Variants in PLEK2 observed in about 807,000 individuals in gnomAD.
The protein encoded by PLEK2 is pleckstrin-2.
PLEK2 carries 29 observed loss-of-function variants against 43.8 expected under a neutral mutation model. The observed-to-expected ratio is 0.66, with a 90% CI of 0.49 to 0.90. PLEK2 has a LOEUF of 0.90. Ranked by LOEUF, PLEK2 falls within the 40% of genes least tolerant of loss-of-function variation. PLEK2 has a pLI of 0.00. For missense variants in PLEK2, 398 were observed against 448.1 expected, an observed-to-expected ratio of 0.89 and a Z score of 1.01; for synonymous variants, 162 against 173.2, an observed-to-expected ratio of 0.94 and a Z score of 0.51.
intron 1 of PLEK2, among the ~76,000 whole-genome samples, chr14:67,409,565 T>G (rs775026260): frequency 1.3e-5 from 2 of 152,186 alleles, no homozygotes; most frequent in Middle Eastern, 3.4e-3. Context: ...GGAAAAGCAC[T>G]CCTGCTCACG....
Position 67,393,239 on chromosome 14 carries a change from C to T in PLEK2, c.392G>A (p.Arg131His), listed in dbSNP as rs769897029. ...FKLPPHISLHRIVDKMHDSNT... is the reference protein window; with the variant it reads ...FKLPPHISLHHIVDKMHDSNT... ...GCTATCGTGCATCTTGTCCACAATG[C>T]GACTACATGGAAGGGAAGGCAAAGG... Residue 131 changes from arginine (R) to histidine (H), a missense_variant and splice_region_variant, in exon 4 of 9, where the codon CGC becomes CAC. Transcript: ENST00000216446. 2.8e-5 allele frequency: 45 copies of T among 1,611,048 alleles called. No individual in the cohort carries two copies. Among genetic ancestry groups the T allele is most frequent in the Non-Finnish European group, 3.5e-5 (41 of 1,177,340 alleles).
chr14:67,409,127 C>T (rs117264762), intron 1 of PLEK2, among the ~76,000 whole-genome samples: 2,150 of 151,966 alleles, frequency 0.014, 22 homozygotes, highest in Middle Eastern at 0.034. Flanking sequence ...CCTGTAGTCC[C>T]AGCTACTAGG....
intron 2 of PLEK2, among the ~76,000 whole-genome samples, chr14:67,396,039 C>T (rs2086005975): frequency 6.6e-6 from 1 of 152,196 alleles, no homozygotes; most frequent in Non-Finnish European, 1.5e-5. Context: ...AGTCATGCTC[C>T]CTTCCGTCCT....
intron 1 of PLEK2, among the ~76,000 whole-genome samples, chr14:67,406,087 C>T (rs1017297223): frequency 2.0e-5 from 3 of 151,978 alleles, no homozygotes; most frequent in Non-Finnish European, 4.4e-5. Flanking sequence ...GGTTAAACCC[C>T]GTCTCTACTA....
At chr14:67,400,514 C>A (rs1025280666) in intron 1 of PLEK2, among the ~76,000 whole-genome samples, 6 of 152,184 alleles carry the variant, frequency 3.9e-5, no homozygotes, top group Admixed American at 2.6e-4. Context: ...CTATGACCAC[C>A]CCCCGCCCCA....
intron 1 of PLEK2, among the ~76,000 whole-genome samples, chr14:67,408,105 G>A (rs978555280): frequency 4.6e-5 from 7 of 151,952 alleles, no homozygotes; most frequent in Middle Eastern, 3.4e-3. Flanking sequence ...TGACCAACAC[G>A]GAGAAACCAC....
Position 67,387,599 on chromosome 14 carries a change from C to A in PLEK2, c.935-143G>T, listed in dbSNP as rs534846379. On this transcript the variant is annotated intron_variant, in intron 8 of 8. Transcript: ENST00000216446. ...AATAAAAGGTTTACAGTTAGAGAAT[C>A]CTATCAGATGAGGTCCCCTTTTCCT... 3.3e-5 allele frequency: 28 copies of A among 857,710 alleles called. No individual in the cohort carries two copies. In the East Asian group the frequency reaches 8.7e-4, roughly 27 times the overall value. The allele number at this position is 857,710 out of a possible 1,614,324, so 53.1% of individuals were successfully genotyped here.
intron 1 of PLEK2, among the ~76,000 whole-genome samples, 189 bp downstream of exon 1, chr14:67,411,829 C>G (rs1415155324): frequency 6.6e-6 from 1 of 152,252 alleles, no homozygotes; most frequent in African/African-American, 2.4e-5. Context: ...GCTGAGCCAC[C>G]GCTTACCCCG....
intron 1 of PLEK2, among the ~76,000 whole-genome samples, chr14:67,401,614 A>C (rs1425484031): frequency 6.6e-6 from 1 of 152,166 alleles, no homozygotes; most frequent in African/African-American, 2.4e-5. Flanking sequence ...TGCCATCTGC[A>C]AGCCAAGGAG....
At chr14:67,398,946 T>G (rs2086029228) in intron 1 of PLEK2, among the ~76,000 whole-genome samples, 1 of 152,262 alleles carries the variant, frequency 6.6e-6, no homozygotes, top group African/African-American at 2.4e-5. Context: ...TGTGGATACA[T>G]AGTTTACTTG....
At position 67,393,022 on chromosome 14, in the gene PLEK2, A is replaced by G. The variant is rs1336267933; in HGVS notation, c.481+128T>C. 4 of 897,442 alleles carry G rather than the reference A, an allele frequency of 4.5e-6. No individual in the cohort carries two copies. The African/African-American group carries it at 6.5e-5, about 15-fold the overall frequency. 55.6% of individuals were successfully genotyped at this position (897,442 alleles called of 1,614,324 possible). A position where few individuals can be genotyped will look rare whatever the true frequency, so the allele number is the denominator to read the frequency against. On this transcript the variant is annotated intron_variant, in intron 4 of 8. Transcript: ENST00000216446. Reference sequence around the variant, plus strand: ...CGTGGCTGCACACCCACACATGGCCATCTCAGGCTAGCCTGTTGCCCAGCA... The same window carrying G: ...CGTGGCTGCACACCCACACATGGCCGTCTCAGGCTAGCCTGTTGCCCAGCA...
chr14:67,388,678 G>C (rs1245469613), intron 7 of PLEK2, among the ~76,000 whole-genome samples: 2 of 152,080 alleles, frequency 1.3e-5, no homozygotes, highest in South Asian at 4.1e-4. Flanking sequence ...TATATTTATA[G>C]TAATCATTTC....
intron 8 of PLEK2, among the ~76,000 whole-genome samples, chr14:67,387,863 ATATCT>A (rs1207402515): frequency 6.6e-6 from 1 of 152,224 alleles, no homozygotes. Context: ...GATGGGAATA[ATATCT>A]TCTTACTATG....
Position 67,390,752 on chromosome 14 carries a change from G to A in PLEK2, c.772-6C>T. ...CAGTTTTTCCTCTTGTGTCCCTGAG[G>A]CAAAGAAATGGTTCAAAGCTCATTG... On this transcript the variant is annotated splice_polypyrimidine_tract_variant and splice_region_variant and intron_variant, in intron 6 of 8. Transcript: ENST00000216446. 6.3e-7 allele frequency: 1 copy of A among 1,598,158 alleles called. No individual in the cohort carries two copies. The highest frequency in any genetic ancestry group is 2.2e-5 in the East Asian group (1 of 44,798).
intron 1 of PLEK2, among the ~76,000 whole-genome samples, chr14:67,409,283 C>T (rs1025897199): frequency 1.3e-5 from 2 of 151,266 alleles, no homozygotes; most frequent in African/African-American, 4.9e-5. Flanking sequence ...GTGACTCACA[C>T]CTCTAATCTC....
In PLEK2 at chr14:67,409,759, G is replaced by A. The variant is rs1187853138; in HGVS notation, c.42+2259C>T. Among the ~76,000 whole-genome samples the A allele has an allele frequency of 2.6e-5, 4 of 152,068 alleles. No homozygotes were observed. In the East Asian group the frequency reaches 7.7e-4, roughly 29 times the overall value. On this transcript the variant is annotated intron_variant, in intron 1 of 8. Transcript: ENST00000216446. ...ACTGCTCTGCACTCCGGCTTCCAAC[G>A]CAGGCCCTGCCCCACCTCTGAGCTC...
At chr14:67,400,614 G>A (rs1248560259) in intron 1 of PLEK2, among the ~76,000 whole-genome samples, 2 of 152,120 alleles carry the variant, frequency 1.3e-5, no homozygotes, top group Non-Finnish European at 2.9e-5. Flanking sequence ...TGGCACCCAA[G>A]GCTGTAGCTG....
At chr14:67,394,917 C>T (rs1317756317) in intron 3 of PLEK2, among the ~76,000 whole-genome samples, 1 of 152,114 alleles carries the variant, frequency 6.6e-6, no homozygotes, top group Non-Finnish European at 1.5e-5. Flanking sequence ...TGTGTGATGC[C>T]CTGCACTGCC....
Position 67,392,314 on chromosome 14 carries a change from T to C in PLEK2, c.771+12A>G. The C allele has an allele frequency of 6.6e-7, 1 of 1,516,896 alleles. No homozygotes were observed. The highest frequency in any genetic ancestry group is 9.2e-7 in the Non-Finnish European group (1 of 1,091,128). The allele number at this position is 1,516,896 out of a possible 1,614,324, so 94.0% of individuals were successfully genotyped here. ...ACTGTCCATCTCTCTTCCCTGCTCA[T>C]AGCAGCCATACCTGCTTGGCCAGGT... is the stretch of plus-strand genomic sequence containing the variant. On this transcript the variant is annotated intron_variant, in intron 6 of 8. Transcript: ENST00000216446.
Sources: gnomAD v4.1 joint callset for allele counts (sites outside exome capture counted in the v4.1 genomes callset) on GRCh38, gnomAD v4.1.1 for gene constraint, MANE v1.5 for transcripts, NCBI Gene and HGNC (gene_info 2026-07-23, HGNC 2026-07-21) for gene names.